The following SYNPO2 variants were observed in gnomAD, a reference collection of about 807,000 sequenced individuals.
SYNPO2 encodes synaptopodin 2, also known as synaptopodin-2.
Under a neutral mutation model 85.0 loss-of-function variants are expected in SYNPO2, and 56 were observed. That is an observed-to-expected ratio of 0.66 (90% CI 0.53 to 0.82). The LOEUF is 0.82. Ranked by LOEUF, SYNPO2 falls within the 40% of genes least tolerant of loss-of-function variation. The pLI, the probability that SYNPO2 is intolerant of heterozygous loss-of-function variation, is 0.00. For synonymous variants in SYNPO2, 602 were observed against 591.1 expected, an observed-to-expected ratio of 1.02 and a Z score of -0.27; for missense variants, 1,575 against 1,534.2, an observed-to-expected ratio of 1.03 and a Z score of -0.44.
chr4:119,045,450 CA>C (rs528836425), intron 4 of SYNPO2, among the ~76,000 whole-genome samples: 3 of 151,788 alleles, frequency 2.0e-5, no homozygotes, highest in Admixed American at 6.6e-5. Context: ...GACCCTGTCT[CA>C]AAAAAACAAA....
intron 1 of SYNPO2, among the ~76,000 whole-genome samples, chr4:118,975,113 G>C (rs1417280415): frequency 6.6e-6 from 1 of 152,100 alleles, no homozygotes; most frequent in Non-Finnish European, 1.5e-5. Context: ...ACCCACGTGA[G>C]GCCACCCTCT....
Position 118,889,097 on chromosome 4 carries a change from T to C in SYNPO2, c.61T>C (p.Leu21=), listed in dbSNP as rs999152646. ...TGGAGGGGCGCCCTGGGGGTTCAGA[T>C]TGCAAGGTGGCAAGGAGCAGAAGCA... is the stretch of plus-strand genomic sequence containing the variant. ...MTGGAPWGFR[L]QGGKEQKQPL... The change falls in exon 1 of 5, where the codon TTG becomes CTG. Residue 21 remains leucine (L), a synonymous_variant. Transcript: ENST00000307142. 6.2e-6 allele frequency: 10 copies of C among 1,613,978 alleles called. No individual in the cohort carries two copies. The East Asian group carries it at 8.9e-5, about 14-fold the overall frequency.
intron 1 of SYNPO2, among the ~76,000 whole-genome samples, chr4:118,913,745 G>C (rs1733218402): frequency 6.6e-6 from 1 of 152,130 alleles, no homozygotes; most frequent in South Asian, 2.1e-4. Flanking sequence ...CACCATCATG[G>C]AAAGGGTTAA....
At chr4:119,057,180 A>C (rs912971692) in intron 4 of SYNPO2, among the ~76,000 whole-genome samples, 10 of 152,196 alleles carry the variant, frequency 6.6e-5, no homozygotes, top group Admixed American at 6.5e-4. Context: ...GCAAAAGGTA[A>C]GATCAAGTGG....
chr4:118,879,314 C>T (rs911103029), intron 1 of SYNPO2, among the ~76,000 whole-genome samples: 6 of 152,200 alleles, frequency 3.9e-5, no homozygotes, highest in South Asian at 2.1e-4. Context: ...TTAGAGCTTC[C>T]TTTTCCCTAG....
At chr4:119,025,721 T>C (rs1737908551) in intron 2 of SYNPO2, among the ~76,000 whole-genome samples, 1 of 152,056 alleles carries the variant, frequency 6.6e-6, no homozygotes, top group Admixed American at 6.6e-5. Context: ...AATACAAATA[T>C]AAAAAATGAA....
At chr4:118,937,510 T>C (rs9307462) in intron 1 of SYNPO2, among the ~76,000 whole-genome samples, 131,036 of 152,028 alleles carry the variant, frequency 0.86, 56,669 homozygotes, top group South Asian at 0.94. Flanking sequence ...GTACTGCTTA[T>C]GTGTCTAAAG....
chr4:118,935,388 T>G (rs906184465), intron 1 of SYNPO2, among the ~76,000 whole-genome samples: 4 of 152,252 alleles, frequency 2.6e-5, no homozygotes, highest in African/African-American at 4.8e-5. Context: ...ATACTGGGCT[T>G]AATTGCTTAA....
At chr4:118,902,891 G>A (rs2149119980) in intron 1 of SYNPO2, among the ~76,000 whole-genome samples, 1 of 152,158 alleles carries the variant, frequency 6.6e-6, no homozygotes, top group Non-Finnish European at 1.5e-5. Context: ...GAGCAAAGAA[G>A]AGTTTTGCTG....
chr4:118,858,086 G>A (rs940889908), intron 1 of SYNPO2, among the ~76,000 whole-genome samples: 5 of 152,080 alleles, frequency 3.3e-5, no homozygotes, highest in Non-Finnish European at 7.3e-5. Flanking sequence ...CTGCTGTACA[G>A]GCCTTAGGGC....
At chr4:118,912,856 G>A (rs932435940) in intron 1 of SYNPO2, among the ~76,000 whole-genome samples, 1 of 152,140 alleles carries the variant, frequency 6.6e-6, no homozygotes, top group Admixed American at 6.5e-5. Flanking sequence ...ATAATTAACA[G>A]AAAAACGTTT....
In SYNPO2 at chr4:118,967,284, G is replaced by A. The variant is rs182491927; in HGVS notation, c.106-56146G>A. ...CTCCCTATAGGAAATAAAAGTCTGC[G>A]GAGGAACCACGTAAATATGATTTTC... On this transcript the variant is annotated intron_variant, in intron 1 of 4. Transcript: ENST00000307142. 2.7e-3 allele frequency among the ~76,000 whole-genome samples: 412 copies of A among 152,146 alleles called. 1 individual carries two copies. The highest frequency in any genetic ancestry group is 9.1e-3 in the African/African-American group (379 of 41,486).
At chr4:118,879,209 G>A (rs186001231) in intron 1 of SYNPO2, among the ~76,000 whole-genome samples, 70 of 152,282 alleles carry the variant, frequency 4.6e-4, no homozygotes, top group African/African-American at 1.5e-3. Flanking sequence ...AACACTCACC[G>A]ATAAGGGTCC....
intron 1 of SYNPO2, among the ~76,000 whole-genome samples, chr4:118,950,500 C>T (rs1001532298): frequency 6.6e-6 from 1 of 152,124 alleles, no homozygotes; most frequent in Non-Finnish European, 1.5e-5. Context: ...GCTGAATAGG[C>T]TTAGGATTTG....
At chr4:119,049,851 C>T (rs1341558423) in intron 4 of SYNPO2, among the ~76,000 whole-genome samples, 3 of 152,204 alleles carry the variant, frequency 2.0e-5, no homozygotes, top group African/African-American at 7.2e-5. Flanking sequence ...CTTCATGCAG[C>T]AGAAGTGCAT....
At chr4:118,953,089 G>A (rs748670176) in intron 1 of SYNPO2, among the ~76,000 whole-genome samples, 1 of 152,146 alleles carries the variant, frequency 6.6e-6, no homozygotes, top group Non-Finnish European at 1.5e-5. Flanking sequence ...GTAACTAACA[G>A]AAGTGACCTT....
At chr4:118,870,628 G>C (rs915648118) in intron 1 of SYNPO2, among the ~76,000 whole-genome samples, 2 of 152,162 alleles carry the variant, frequency 1.3e-5, no homozygotes, top group Admixed American at 1.3e-4. Context: ...CTTCCACAAT[G>C]GTTGAACTAA....
intron 1 of SYNPO2, among the ~76,000 whole-genome samples, chr4:118,962,819 C>A (rs1735158088): frequency 6.6e-6 from 1 of 152,178 alleles, no homozygotes; most frequent in African/African-American, 2.4e-5. Context: ...TGGAGAATGA[C>A]AAGTGCTTTT....
intron 1 of SYNPO2, among the ~76,000 whole-genome samples, chr4:119,011,050 C>T (rs1454815816): frequency 6.6e-6 from 1 of 152,200 alleles, no homozygotes; most frequent in African/African-American, 2.4e-5. Flanking sequence ...ATTAGTCAAT[C>T]GCAGCAGGGA....
Sources: gnomAD v4.1 joint callset for allele counts (sites outside exome capture counted in the v4.1 genomes callset) on GRCh38, gnomAD v4.1.1 for gene constraint, MANE v1.5 for transcripts, NCBI Gene and HGNC (gene_info 2026-07-23, HGNC 2026-07-21) for gene names.